The following SSBP3 variants were observed in gnomAD, a reference collection of about 807,000 sequenced individuals.
The protein encoded by SSBP3 is single stranded DNA binding protein 3, also known as single-stranded DNA-binding protein 3.
A neutral mutation model predicts 69.6 loss-of-function variants in SSBP3; 5 were observed. The observed-to-expected ratio is 0.07, with a 90% CI of 0.04 to 0.15. The LOEUF is 0.15. Ranked by LOEUF, SSBP3 falls within the 10% of genes least tolerant of loss-of-function variation. The pLI is 1.00. For synonymous variants in SSBP3, 196 were observed against 193.4 expected (o/e 1.01, Z -0.11); for missense variants, 312 against 534.0 (o/e 0.58, Z 4.10).
At chr1:54,262,472 G>C (rs148205836) in intron 5 of SSBP3, among the ~76,000 whole-genome samples, 4 of 152,330 alleles carry the variant, frequency 2.6e-5, no homozygotes, top group African/African-American at 9.6e-5. Context: ...GGAGAGCACC[G>C]AGATGCCGGG....
At chr1:54,338,917 C>T (rs1029743830) in intron 4 of SSBP3, among the ~76,000 whole-genome samples, 9 of 152,202 alleles carry the variant, frequency 5.9e-5, no homozygotes, top group African/African-American at 1.7e-4. Context: ...CAGATCATGA[C>T]GACGGTGCAA....
chr1:54,367,642 GA>G (rs749795125), intron 4 of SSBP3, among the ~76,000 whole-genome samples: 2 of 152,196 alleles, frequency 1.3e-5, no homozygotes, highest in African/African-American at 2.4e-5. Flanking sequence ...TGATGTCCCA[GA>G]GACTGGTTAC....
chr1:54,324,945 G>A (rs555165399), intron 4 of SSBP3, among the ~76,000 whole-genome samples: 87 of 152,300 alleles, frequency 5.7e-4, no homozygotes, highest in Non-Finnish European at 1.1e-3. Flanking sequence ...GAGGGAGCCA[G>A]GCAGAAAGCC....
intron 5 of SSBP3, among the ~76,000 whole-genome samples, chr1:54,260,438 A>C (rs1322828950): frequency 6.6e-6 from 1 of 152,202 alleles, no homozygotes; most frequent in Non-Finnish European, 1.5e-5. Context: ...GACAGATTAG[A>C]GAAAACAGAA....
intron 4 of SSBP3, among the ~76,000 whole-genome samples, chr1:54,289,404 G>A (rs1645564845): frequency 6.6e-6 from 1 of 151,278 alleles, no homozygotes; most frequent in Non-Finnish European, 1.5e-5. Context: ...GGGGTGGGGG[G>A]CTGTAAAAAG....
At chr1:54,358,959 C>A (rs1646910852) in intron 4 of SSBP3, among the ~76,000 whole-genome samples, 1 of 152,178 alleles carries the variant, frequency 6.6e-6, no homozygotes, top group South Asian at 2.1e-4. Flanking sequence ...GACTCAAGAG[C>A]GTCTTCCACC....
At chr1:54,268,374 T>A (rs527996477) in intron 5 of SSBP3, among the ~76,000 whole-genome samples, 4 of 152,376 alleles carry the variant, frequency 2.6e-5, no homozygotes, top group African/African-American at 7.2e-5. Context: ...GTGATGTGCA[T>A]ATTAAGAAGG....
Position 54,348,252 on chromosome 1 carries a change from G to A in SSBP3, c.276+53609C>T, listed in dbSNP as rs1387179506. On this transcript the variant is annotated intron_variant, in intron 4 of 17. Coordinates refer to ENST00000610401, the Ensembl canonical transcript of SSBP3. ...GAAATAGAAGGCATGGGGGGCGGGG[G>A]GGGGGGGGCGGGTGAGGACAGGTGG... Among the ~76,000 whole-genome samples, 9 of 71,864 alleles carry A rather than the reference G, an allele frequency of 1.3e-4. 1 individual carries two copies. The highest frequency in any genetic ancestry group is 2.6e-4 in the African/African-American group (4 of 15,666). The allele number at this position is 71,864 out of a possible 152,430, so 47.1% of individuals were successfully genotyped here.
At chr1:54,306,163 A>T (rs1645897613) in intron 4 of SSBP3, among the ~76,000 whole-genome samples, 1 of 151,804 alleles carries the variant, frequency 6.6e-6, no homozygotes, top group Non-Finnish European at 1.5e-5. Context: ...ACTATCCCCT[A>T]TCCCCCAGGA....
chr1:54,355,152 G>A (rs1034806442), intron 4 of SSBP3, among the ~76,000 whole-genome samples: 3 of 152,172 alleles, frequency 2.0e-5, no homozygotes, highest in South Asian at 2.1e-4. Context: ...TGCCACATGC[G>A]GCGTCCAACA....
chr1:54,409,329 T>C (rs976033376), upstream of SSBP3, among the ~76,000 whole-genome samples: 21 of 152,252 alleles, frequency 1.4e-4, no homozygotes, highest in Middle Eastern at 3.4e-3. Context: ...TTATCTCGTT[T>C]TGCTGGCACC....
At chr1:54,330,268 A>G (rs1326973149) in intron 4 of SSBP3, among the ~76,000 whole-genome samples, 1 of 152,192 alleles carries the variant, frequency 6.6e-6, no homozygotes, top group Non-Finnish European at 1.5e-5. Flanking sequence ...ACCAGCCCAA[A>G]GGGCACTGGT....
intron 7 of SSBP3, among the ~76,000 whole-genome samples, chr1:54,254,863 C>T (rs534468044): frequency 1.5e-3 from 235 of 152,162 alleles, no homozygotes; most frequent in Middle Eastern, 3.4e-3. Context: ...GGCGGAGTCT[C>T]GCTCTGTCAC....
chr1:54,290,975 T>C (rs984083579), intron 4 of SSBP3, among the ~76,000 whole-genome samples: 15 of 152,182 alleles, frequency 9.9e-5, no homozygotes, highest in East Asian at 1.9e-4. Context: ...AAGGAGCTAC[T>C]TACAACCACA....
Position 54,228,887 on chromosome 1 carries a change from G to A in SSBP3, c.928-61C>T. ...GCCCTGGCCCTCTGCACCCCTCACA[G>A]GCAGGGGGCTGCAGCCACGCTTGAG... On this transcript the variant is annotated intron_variant, in intron 14 of 17. Coordinates refer to ENST00000610401, the Ensembl canonical transcript of SSBP3. 3 of 1,539,024 alleles carry A rather than the reference G, an allele frequency of 1.9e-6. No individual in the cohort carries two copies. In the South Asian group the frequency reaches 3.5e-5, roughly 18 times the overall value.
At chr1:54,276,354 T>C (rs1645285205) in intron 5 of SSBP3, among the ~76,000 whole-genome samples, 1 of 152,086 alleles carries the variant, frequency 6.6e-6, no homozygotes, top group South Asian at 2.1e-4. Flanking sequence ...GGCTCAGGCC[T>C]GTAATCCCAG....
intron 14 of SSBP3, among the ~76,000 whole-genome samples, chr1:54,234,780 A>G (rs1468487465): frequency 6.6e-6 from 1 of 151,926 alleles, no homozygotes; most frequent in African/African-American, 2.4e-5. Flanking sequence ...AAAAAAAAAA[A>G]AGAGATGGAG....
chr1:54,227,721 G>C (rs568617492), intron 17 of SSBP3, among the ~76,000 whole-genome samples: 7 of 152,162 alleles, frequency 4.6e-5, no homozygotes, highest in Non-Finnish European at 1.0e-4. Context: ...GGGACTATAG[G>C]CATGCGACAC....
chr1:54,288,602 AGT>A (rs2100925442), intron 4 of SSBP3, among the ~76,000 whole-genome samples: 1 of 150,644 alleles, frequency 6.6e-6, no homozygotes, highest in South Asian at 2.1e-4. Flanking sequence ...GGGGGAGGGT[AGT>A]ATTTATTCCC....
Sources: allele counts gnomAD v4.1 joint callset (sites outside exome capture counted in the v4.1 genomes callset), GRCh38; gene constraint gnomAD v4.1.1; transcripts MANE v1.5; gene names NCBI Gene and HGNC (gene_info 2026-07-23, HGNC 2026-07-21).